GPI: variants seen among roughly 807,000 people sequenced by gnomAD.
GPI encodes D-hexose-6-phosphate anomerase.
GPI carries 56 observed loss-of-function variants against 75.8 expected under a neutral mutation model. That is an observed-to-expected ratio of 0.74 (90% CI 0.60 to 0.92). GPI has a LOEUF of 0.92. Among genes scored for constraint, GPI ranks in the 40% least tolerant of loss-of-function variants. The probability of loss-of-function intolerance (pLI) is 0.00; values close to 1 mark genes in which losing one functional copy is unlikely to be tolerated. For synonymous variants in GPI, 288 were observed against 285.4 expected, an observed-to-expected ratio of 1.01 and a Z score of -0.09; for missense variants, 638 against 741.0, an observed-to-expected ratio of 0.86 and a Z score of 1.61.
At chr19:34,398,939 T>C in intron 14 of GPI, 1 of 329,136 alleles carries the variant, frequency 3.0e-6, no homozygotes, top group Non-Finnish European at 5.9e-6. Context: ...GCTCCTGACC[T>C]CGTGGTCCAT....
chr19:34,382,424 A>C (rs1275291739), intron 9 of GPI, among the ~76,000 whole-genome samples: 1 of 152,134 alleles, frequency 6.6e-6, no homozygotes, highest in Non-Finnish European at 1.5e-5. Context: ...CTAATCCCTT[A>C]AGCCATCCAC....
At position 34,400,871 on chromosome 19, in the gene GPI, G is replaced by A. The variant is rs1031586014; in HGVS notation, c.*835G>A. The A allele has an allele frequency of 4.6e-5, 15 of 328,972 alleles. No homozygotes were observed. Among genetic ancestry groups the A allele is most frequent in the Middle Eastern group, 8.0e-4 (1 of 1,244 alleles). 20.4% of individuals were successfully genotyped at this position (328,972 alleles called of 1,614,324 possible). On this transcript the variant is annotated 3_prime_UTR_variant, in exon 18 of 18. Coordinates refer to ENST00000356487, the MANE Select transcript of GPI (RefSeq NM_000175.5). ...TCCCGAGTAGCTGGGATTACACGGCGCACACCACCATACCCAGCTAATTTT... is the reference window on the plus strand; with the variant it reads ...TCCCGAGTAGCTGGGATTACACGGCACACACCACCATACCCAGCTAATTTT...
chr19:34,383,011 C>T (rs544057620), intron 9 of GPI, among the ~76,000 whole-genome samples: 12 of 152,132 alleles, frequency 7.9e-5, no homozygotes, highest in Non-Finnish European at 1.5e-4. Flanking sequence ...TGAGCTACAG[C>T]CATCAGCTCA....
At chr19:34,379,649 G>T in intron 8 of GPI, 87 bp downstream of exon 8, 2 of 1,097,446 alleles carry the variant, frequency 1.8e-6, no homozygotes, top group South Asian at 1.2e-5. Flanking sequence ...CGGTTCGTAG[G>T]TCTGGTGGAT....
chr19:34,378,825 G>T (rs1356379324), intron 6 of GPI, 109 bp from the exon 7 acceptor site: 2 of 802,632 alleles, frequency 2.5e-6, no homozygotes, highest in African/African-American at 1.7e-5. Flanking sequence ...TGCAAATACT[G>T]CTCCATGGGA....
intron 8 of GPI, chr19:34,381,242 C>T: frequency 1.6e-6 from 1 of 611,422 alleles, no homozygotes; most frequent in South Asian, 1.9e-5. Context: ...GGCACAACGT[C>T]ACTGGCGTGC....
chr19:34,361,707 G>A (rs1387892291), upstream of GPI, among the ~76,000 whole-genome samples: 3 of 152,236 alleles, frequency 2.0e-5, no homozygotes, highest in East Asian at 5.8e-4. Context: ...CAGGCTGGGC[G>A]CGGTGTTGCA....
rs372512327 is a variant in GPI, at chr19:34,396,348, T to C, written c.1110T>C (p.Arg370=). The change falls in exon 13 of 18, where the codon CGT becomes CGC. Residue 370 remains arginine, a synonymous_variant. Coordinates refer to ENST00000356487, the MANE Select transcript of GPI (RefSeq NM_000175.5). ...AATACATCACCAAATCTGGAACCCGTGTGGACCACCAGACAGGCCCCATTG... is the reference window on the plus strand; with the variant it reads ...AATACATCACCAAATCTGGAACCCGCGTGGACCACCAGACAGGCCCCATTG... ...NGKYITKSGT[R]VDHQTGPIVW... 6.2e-7 allele frequency: 1 copy of C among 1,614,188 alleles called. No homozygotes were observed. Among genetic ancestry groups the C allele is most frequent in the Non-Finnish European group, 8.5e-7 (1 of 1,180,012 alleles).
At chr19:34,376,008 C>T (rs1228495446) in intron 4 of GPI, among the ~76,000 whole-genome samples, 1 of 152,246 alleles carries the variant, frequency 6.6e-6, no homozygotes, top group Non-Finnish European at 1.5e-5. Context: ...ATAGCAGATT[C>T]TGCCGAGTTA....
intron 4 of GPI, among the ~76,000 whole-genome samples, 167 bp from the exon 5 acceptor site, chr19:34,377,336 A>AATATATATATAT (rs1243864461): frequency 0.02 from 969 of 49,188 alleles, 20 homozygotes; most frequent in African/African-American, 0.051. Flanking sequence ...AAAAAAAAAA[A>AATATATATATAT]ATATATATAT....
intron 3 of GPI, 36 bp from the exon 4 acceptor site, chr19:34,368,544 TGGG>T (rs111897081): frequency 1.2e-6 from 2 of 1,606,386 alleles, no homozygotes; most frequent in Non-Finnish European, 1.7e-6. Context: ...TGCCTGGGGT[TGGG>T]GGGGGCAGTC....
In GPI at chr19:34,391,498, G is replaced by A. The variant is rs550581461; in HGVS notation, c.805-1750G>A. Among the ~76,000 whole-genome samples, 4 of 884 alleles carry A rather than the reference G, an allele frequency of 4.5e-3. No individual in the cohort carries two copies. The East Asian group carries it at 0.058, about 13-fold the overall frequency. The allele number at this position is 884 out of a possible 152,430, so 0.6% of individuals were successfully genotyped here. On this transcript the variant is annotated intron_variant, in intron 9 of 17. Transcript: ENST00000356487. ...TGTCTTCCAGTGACTTAGGAGGTAC[G>A]ATCTCTTATAGGTATGAGGATCTGG...
chr19:34,388,028 T>A (rs980221240), intron 9 of GPI, among the ~76,000 whole-genome samples: 1 of 152,116 alleles, frequency 6.6e-6, no homozygotes, highest in Admixed American at 6.5e-5. Flanking sequence ...ACCCTAAAGA[T>A]CAGCTGGGAC....
In GPI at chr19:34,399,303, C is replaced by G. The variant is rs139853344; in HGVS notation, c.1366C>G (p.Pro456Ala). 693 of 1,614,088 alleles carry G rather than the reference C, an allele frequency of 4.3e-4. 3 individuals are homozygous for G. The highest frequency in any genetic ancestry group is 4.4e-4 in the Non-Finnish European group (519 of 1,180,010). ...GGAGCTCCAGGCTGCGGGCAAGAGT[C>G]CAGAGGACCTTGAGAGGCTGCTGCC... ...RKELQAAGKSPEDLERLLPHK... is the reference protein window; with the variant it reads ...RKELQAAGKSAEDLERLLPHK... Residue 456 changes from proline (P) to alanine (A), a missense_variant, in exon 15 of 18, where the codon CCA becomes GCA. By Grantham distance (27) the Pro-to-Ala change is conservative (BLOSUM62 -1). Transcript: ENST00000356487.
chr19:34,367,312 C>T, intron 3 of GPI: 1 of 311,672 alleles, frequency 3.2e-6, no homozygotes, highest in Non-Finnish European at 6.4e-6. Context: ...ATAATGGACA[C>T]TGAGCACCCA....
In GPI at chr19:34,401,087, C is replaced by T. The variant is rs1416125411; in HGVS notation, c.*1051C>T. 6.6e-6 allele frequency: 1 copy of T among 150,554 alleles called. No individual in the cohort carries two copies. Among genetic ancestry groups the T allele is most frequent in the Admixed American group, 6.7e-5 (1 of 15,002 alleles). 9.3% of individuals were successfully genotyped at this position (150,554 alleles called of 1,614,324 possible). A position where few individuals can be genotyped will look rare whatever the true frequency, so the allele number is the denominator to read the frequency against. ...TTGAGACAGGGTCTTGTTCCATTGC[C>T]CAGACTGGAGTGCAGTGGCATGATC... On this transcript the variant is annotated 3_prime_UTR_variant, in exon 18 of 18. Coordinates refer to ENST00000356487, the MANE Select transcript of GPI (RefSeq NM_000175.5).
intron 9 of GPI, among the ~76,000 whole-genome samples, chr19:34,383,141 G>A (rs762675141): frequency 2.6e-5 from 4 of 152,284 alleles, no homozygotes; most frequent in Non-Finnish European, 5.9e-5. Context: ...ATGGGTGTCG[G>A]GATCAGGCAG....
rs373971118 is a variant in GPI, at chr19:34,366,867, A to C, written c.282+16A>C. ...CTACACCGAGGTGAGCAGGCCCCAC[A>C]TACCCTCTGGGGCCTCCTTCCTTCC... On this transcript the variant is annotated intron_variant, in intron 3 of 17. Coordinates refer to ENST00000356487, the MANE Select transcript of GPI (RefSeq NM_000175.5). The C allele has an allele frequency of 3.2e-6, 5 of 1,586,732 alleles. No individual in the cohort carries two copies. The highest frequency in any genetic ancestry group is 4.3e-6 in the Non-Finnish European group (5 of 1,155,126).
At chr19:34,387,736 A>AGTTCCAC (rs2145396642) in intron 9 of GPI, among the ~76,000 whole-genome samples, 1 of 152,364 alleles carries the variant, frequency 6.6e-6, no homozygotes, top group South Asian at 2.1e-4. Context: ...ATCCAGGCTC[A>AGTTCCAC]GTTCCACAGA....
Sources: allele counts gnomAD v4.1 joint callset (sites outside exome capture counted in the v4.1 genomes callset), GRCh38; gene constraint gnomAD v4.1.1; transcripts MANE v1.5; gene names NCBI Gene and HGNC (gene_info 2026-07-23, HGNC 2026-07-21).